Variants in DNHD1 observed in about 807,000 individuals in gnomAD.
The protein encoded by DNHD1 is dynein heavy chain domain-containing protein 1.
A neutral mutation model predicts 458.1 loss-of-function variants in DNHD1; 383 were observed. The observed-to-expected ratio is 0.84, with a 90% CI of 0.77 to 0.91. DNHD1 has a LOEUF of 0.91. DNHD1 is among the 40% of genes least tolerant of loss of function. The pLI, the probability that DNHD1 is intolerant of heterozygous loss-of-function variation, is 0.00. For synonymous variants in DNHD1, 2,203 were observed against 2,376.9 expected (o/e 0.93, Z 2.13); for missense variants, 5,336 against 5,866.1 (o/e 0.91, Z 2.95).
chr11:6,524,693 G>A (rs1255166811), intron 10 of DNHD1, among the ~76,000 whole-genome samples: 1 of 152,312 alleles, frequency 6.6e-6, no homozygotes, highest in East Asian at 1.9e-4. Context: ...TTAGAAGGCT[G>A]TGTATGGTGG....
chr11:6,545,224 G>T lies in DNHD1; in HGVS notation c.4285G>T (p.Gly1429Trp), dbSNP rs1473303663. Reference protein sequence around the residue: ...VEALAVLGAGGEEVKLQGPLP... With the variant: ...VEALAVLGAGWEEVKLQGPLP... ...GGCACTTGCAGTGCTAGGGGCAGGT[G>T]GGGAGGAGGTGAAGCTGCAGGGTCC... Residue 1429 changes from glycine to tryptophan, a missense_variant, in exon 21 of 43, where the codon GGG becomes TGG. Transcript: ENST00000254579. This position sits in a 1 kb window ranked among gnomAD's most constrained non-coding sequence, Gnocchi z 4.9. The T allele has an allele frequency of 6.4e-7, 1 of 1,551,868 alleles. No homozygotes were observed. The highest frequency in any genetic ancestry group is 1.7e-4 in the Middle Eastern group (1 of 5,992).
At chr11:6,533,283 G>C (rs1408228177) in intron 13 of DNHD1, 99 bp downstream of exon 13, 1 of 1,258,708 alleles carries the variant, frequency 7.9e-7, no homozygotes, top group Non-Finnish European at 1.1e-6. Flanking sequence ...CCCCAGCAGA[G>C]CTTGATGCTC....
In DNHD1 at chr11:6,567,232, T is replaced by C; in HGVS notation, c.11723T>C (p.Leu3908Pro). Residue 3908 changes from leucine (L) to proline (P), a missense_variant, in exon 36 of 43, where the codon CTG (leucine) becomes CCG (proline). Physicochemically the swap from Leu to Pro is moderately conservative, Grantham distance 98. Around this residue, in one of 4 missense-constraint regions of DNHD1, gnomAD observed 695 missense variants for 804.2 expected, o/e 0.86. Coordinates refer to ENST00000254579, the MANE Select transcript of DNHD1 (RefSeq NM_144666.3). ...NHGEDLASHL[L>P]QLRAHLTRQL... ...GGGGAGGACCTGGCCAGCCATCTACTGCAATTGAGAGCACACCTGACCCGC... is the reference window on the plus strand; with the variant it reads ...GGGGAGGACCTGGCCAGCCATCTACCGCAATTGAGAGCACACCTGACCCGC... 1 of 1,613,970 alleles carries C rather than the reference T, an allele frequency of 6.2e-7. No individual in the cohort carries two copies. The highest frequency in any genetic ancestry group is 8.5e-7 in the Non-Finnish European group (1 of 1,179,894).
intron 4 of DNHD1, chr11:6,503,967 T>TA (rs2134367225): frequency 6.6e-6 from 1 of 152,362 alleles, no homozygotes; most frequent in Non-Finnish European, 1.5e-5. Context: ...AGTGGACTGA[T>TA]ACATAAGAGA....
chr11:6,517,652 C>CTTTTTTTTTTTTTT (rs59300977), intron 7 of DNHD1, among the ~76,000 whole-genome samples: 9 of 59,066 alleles, frequency 1.5e-4, no homozygotes, highest in African/African-American at 4.4e-4. Flanking sequence ...TCTAGGACTT[C>CTTTTTTTTTTTTTT]TTTTTTTTTT....
Position 6,570,015 on chromosome 11 carries a change from A to G in DNHD1, c.12870A>G (p.Gln4290=), listed in dbSNP as rs913711787. 6.2e-7 allele frequency: 1 copy of G among 1,613,806 alleles called. No individual in the cohort carries two copies. The highest frequency in any genetic ancestry group is 1.3e-5 in the African/African-American group (1 of 75,038). Residue 4290 remains glutamine, a synonymous_variant, in exon 40 of 43, where the codon CAA becomes CAG. Coordinates refer to ENST00000254579, the MANE Select transcript of DNHD1 (RefSeq NM_144666.3). ...TTCCGCTCCCCTTCTCTAGGAGTCA[A>G]GTGACTCTAACCCAGGTTCTTCAGA... The part of the protein sequence containing the change: ...RLQAHRGRWS[Q]VTLTQVLQTQ...
intron 7 of DNHD1, among the ~76,000 whole-genome samples, chr11:6,513,633 G>C (rs2134383650): frequency 6.6e-6 from 1 of 152,272 alleles, no homozygotes; most frequent in East Asian, 1.9e-4. Flanking sequence ...ATTTGGGTTG[G>C]TTCCAGTTTT....
In DNHD1 at chr11:6,502,767, A is replaced by G. The variant is rs749076323; in HGVS notation, c.761A>G (p.Tyr254Cys). 10 of 1,601,170 alleles carry G rather than the reference A, an allele frequency of 6.2e-6. No individual in the cohort carries two copies. Among genetic ancestry groups the G allele is most frequent in the Non-Finnish European group, 7.7e-6 (9 of 1,174,776 alleles). The change falls in exon 4 of 43, where the codon TAT becomes TGT. Residue 254 changes from tyrosine (Y) to cysteine (C), a missense_variant. Physicochemically the swap from Tyr to Cys is radical, Grantham distance 194. Around this residue, in one of 4 missense-constraint regions of DNHD1, gnomAD observed 3,932 missense variants for 4,365.6 expected, o/e 0.90. Coordinates refer to ENST00000254579, the MANE Select transcript of DNHD1 (RefSeq NM_144666.3). ...GRKETRSQLD[Y>C]EVPREKAFQK... ...CTGTCACACAGGTCTCAGCTTGACT[A>G]TGAAGTTCCCAGGGAAAAGGCCTTC... is the stretch of plus-strand genomic sequence containing the variant.
chr11:6,526,037 T>A (rs1852705408), intron 10 of DNHD1, among the ~76,000 whole-genome samples: 1 of 152,108 alleles, frequency 6.6e-6, no homozygotes, highest in Admixed American at 6.5e-5. Context: ...CTTCCCTTGC[T>A]TTGTTTTTTT....
intron 14 of DNHD1, among the ~76,000 whole-genome samples, chr11:6,536,905 A>G (rs984260053): frequency 6.6e-6 from 1 of 152,234 alleles, no homozygotes; most frequent in Admixed American, 6.5e-5. Flanking sequence ...TTAGACAAAG[A>G]CTGGAAGAGT....
Position 6,548,995 on chromosome 11 carries a change from T to G in DNHD1, c.7387+62T>G. 1 of 1,492,692 alleles carries G rather than the reference T, an allele frequency of 6.7e-7. No homozygotes were observed. Among genetic ancestry groups the G allele is most frequent in the Non-Finnish European group, 9.0e-7 (1 of 1,109,098 alleles). 92.5% of individuals were successfully genotyped at this position (1,492,692 alleles called of 1,614,324 possible). A position where few individuals can be genotyped will look rare whatever the true frequency, so the allele number is the denominator to read the frequency against. ...TCATCTCTTGAGACTATAAAATCCC[T>G]AGCAATATTCATTGACTCTCAAATA... On this transcript the variant is annotated intron_variant, in intron 24 of 42. Coordinates refer to ENST00000254579, the MANE Select transcript of DNHD1 (RefSeq NM_144666.3). This position sits in a 1 kb window ranked among gnomAD's most constrained non-coding sequence, Gnocchi z 4.4.
chr11:6,546,738 T>C lies in DNHD1; in HGVS notation c.5799T>C (p.Cys1933=). 2 of 1,551,780 alleles carry C rather than the reference T, an allele frequency of 1.3e-6. No homozygotes were observed. The highest frequency in any genetic ancestry group is 8.7e-7 in the Non-Finnish European group (1 of 1,146,998). Residue 1933 remains cysteine, a synonymous_variant, in exon 21 of 43, where the codon TGT becomes TGC. Transcript: ENST00000254579. The stretch of plus-strand genomic sequence containing the variant: ...TGCACAACCTCCGAGGGCTGTTGTG[T>C]GCGCTTTTCCCTAGCGCCAGCCAAG... ...LHLHNLRGLL[C]ALFPSASQVL... is the part of the protein sequence containing the mutation.
chr11:6,512,085 G>A (rs1273703718), intron 7 of DNHD1, among the ~76,000 whole-genome samples: 1 of 152,182 alleles, frequency 6.6e-6, no homozygotes, highest in Non-Finnish European at 1.5e-5. Context: ...ACCTTGCCTG[G>A]CTTGAGCCAG....
chr11:6,568,376 C>G, intron 37 of DNHD1, 78 bp from the exon 38 acceptor site: 2 of 1,593,472 alleles, frequency 1.3e-6, no homozygotes, highest in South Asian at 2.2e-5. Context: ...CCTGACACCC[C>G]TAGCCTCAAG....
At chr11:6,507,827 A>G (rs1036024723) in intron 4 of DNHD1, among the ~76,000 whole-genome samples, 3 of 152,182 alleles carry the variant, frequency 2.0e-5, no homozygotes, top group African/African-American at 7.2e-5. Context: ...TCCTATCTGT[A>G]ATTTGGGGAT....
Position 6,556,697 on chromosome 11 carries a change from T to G in DNHD1, c.7402T>G (p.Cys2468Gly). 1.3e-6 allele frequency: 2 copies of G among 1,543,442 alleles called. No homozygotes were observed. The highest frequency in any genetic ancestry group is 1.8e-6 in the Non-Finnish European group (2 of 1,140,304). Residue 2468 changes from cysteine (C) to glycine (G), a missense_variant, in exon 25 of 43, where the codon TGC becomes GGC. Cys to Gly is a radical substitution (Grantham distance 159, BLOSUM62 -3). Coordinates refer to ENST00000254579, the MANE Select transcript of DNHD1 (RefSeq NM_144666.3). ...HLATSDPEKS[C>G]QPVLETLRQA... The stretch of plus-strand genomic sequence containing the variant: ...ATGTCCCATAGACCCAGAGAAGAGC[T>G]GCCAGCCAGTGTTGGAGACTCTGCG...
intron 10 of DNHD1, among the ~76,000 whole-genome samples, chr11:6,521,925 G>T (rs141653526): frequency 6.6e-6 from 1 of 152,038 alleles, no homozygotes; most frequent in Non-Finnish European, 1.5e-5. Context: ...CTATGTTGCC[G>T]AGGCTGGTCG....
chr11:6,511,215 A>C (rs895061799), intron 6 of DNHD1, 58 bp from the exon 7 acceptor site: 3 of 1,594,214 alleles, frequency 1.9e-6, no homozygotes, highest in East Asian at 2.2e-5. Context: ...GAAGAGGTCA[A>C]AGGTATCCAA....
chr11:6,527,332 AGGGCAGG>A, intron 10 of DNHD1, among the ~76,000 whole-genome samples: 1 of 152,278 alleles, frequency 6.6e-6, no homozygotes. Flanking sequence ...CTGGGGGAGG[AGGGCAGG>A]TGGTGGTCAA....
Sources: gnomAD v4.1 joint callset for allele counts (sites outside exome capture counted in the v4.1 genomes callset) on GRCh38, gnomAD v4.1.1 for gene constraint, gnomAD v4.1.1 regional missense constraint, Gnocchi (gnomAD v3.1) non-coding constraint, MANE v1.5 for transcripts, NCBI Gene and HGNC (gene_info 2026-07-23, HGNC 2026-07-21) for gene names.